TSPAN11: variants seen among roughly 807,000 people sequenced by gnomAD.
The protein encoded by TSPAN11 is tetraspanin 11.
In TSPAN11, 29 loss-of-function variants were observed where a neutral mutation model predicts 32.9. That is an observed-to-expected ratio of 0.88 (90% CI 0.66 to 1.20). TSPAN11 has a LOEUF of 1.20. Among genes scored for constraint, TSPAN11 ranks in the 50% most tolerant of loss-of-function variants. The pLI is 0.00. For missense variants in TSPAN11, 283 were observed against 329.1 expected, an observed-to-expected ratio of 0.86 and a Z score of 1.08; for synonymous variants, 140 against 141.3, an observed-to-expected ratio of 0.99 and a Z score of 0.07.
At chr12:30,958,388 A>C in intron 2 of TSPAN11, among the ~76,000 whole-genome samples, 1 of 152,194 alleles carries the variant, frequency 6.6e-6, no homozygotes, top group East Asian at 1.9e-4. Context: ...GGAGAAATGC[A>C]TGCCTGGCAC....
intron 1 of TSPAN11, among the ~76,000 whole-genome samples, chr12:30,932,933 C>G (rs1937963453): frequency 6.6e-6 from 1 of 152,224 alleles, no homozygotes; most frequent in Admixed American, 6.5e-5. Context: ...GGGAATGACG[C>G]TGCCTTTCTG....
chr12:30,987,391 G>T (rs1939220930), intron 7 of TSPAN11, among the ~76,000 whole-genome samples: 1 of 152,152 alleles, frequency 6.6e-6, no homozygotes. Flanking sequence ...GGTGGATCAT[G>T]AACTTAAGAG....
intron 3 of TSPAN11, among the ~76,000 whole-genome samples, chr12:30,965,750 G>T (rs143875223): frequency 3.2e-4 from 48 of 152,330 alleles, no homozygotes; most frequent in African/African-American, 1.2e-3. Flanking sequence ...CTCTGTGTAT[G>T]GACGGGGAAG....
At chr12:30,960,037 A>G (rs1430960001) in intron 2 of TSPAN11, among the ~76,000 whole-genome samples, 1 of 145,732 alleles carries the variant, frequency 6.9e-6, no homozygotes, top group African/African-American at 2.6e-5. Context: ...TGGCGGGGAG[A>G]TGGAGACAGG....
intron 5 of TSPAN11, among the ~76,000 whole-genome samples, chr12:30,981,562 C>T (rs1939093273): frequency 1.3e-5 from 2 of 151,432 alleles, no homozygotes; most frequent in South Asian, 2.1e-4. Flanking sequence ...CCAGTCCCTG[C>T]TCTGTGTGCT....
chr12:30,986,948 G>A (rs1939212049), intron 7 of TSPAN11: 1 of 152,212 alleles, frequency 6.6e-6, no homozygotes, highest in Admixed American at 6.5e-5. Context: ...TGATCTCAAC[G>A]AAGACCCAGG....
At chr12:30,972,564 C>T (rs771198951) in intron 3 of TSPAN11, among the ~76,000 whole-genome samples, 3 of 152,136 alleles carry the variant, frequency 2.0e-5, no homozygotes, top group Non-Finnish European at 2.9e-5. Flanking sequence ...CTGGAGGCTT[C>T]GTTGTGCACG....
intron 7 of TSPAN11, among the ~76,000 whole-genome samples, chr12:30,990,499 G>A (rs1055455717): frequency 1.3e-5 from 2 of 152,342 alleles, no homozygotes; most frequent in Admixed American, 1.3e-4. Flanking sequence ...AAGCTAGCGG[G>A]AGATGAGATA....
the TSPAN11 span, among the ~76,000 whole-genome samples, chr12:31,011,183 C>T: frequency 6.6e-6 from 1 of 152,138 alleles, no homozygotes; most frequent in African/African-American, 2.4e-5. Context: ...CACCTGAGGT[C>T]AGGAGTTTGA....
At chr12:30,953,710 A>T (rs1938427127) in intron 1 of TSPAN11, among the ~76,000 whole-genome samples, 1 of 152,240 alleles carries the variant, frequency 6.6e-6, no homozygotes, top group South Asian at 2.1e-4. Flanking sequence ...AGACCAGCGC[A>T]AATTCTGTGG....
intron 1 of TSPAN11, among the ~76,000 whole-genome samples, chr12:30,928,300 C>T (rs1937844701): frequency 6.6e-6 from 1 of 152,048 alleles, no homozygotes; most frequent in Non-Finnish European, 1.5e-5. Context: ...CTTTTTATGC[C>T]GCCAAATGAA....
At chr12:30,931,109 T>G (rs11051165) in intron 1 of TSPAN11, among the ~76,000 whole-genome samples, 6 of 152,024 alleles carry the variant, frequency 3.9e-5, no homozygotes, top group Non-Finnish European at 8.8e-5. Context: ...AACCCCCCAG[T>G]GGTTCTCAGC....
At chr12:31,016,452 G>GAAAGA in the TSPAN11 span, among the ~76,000 whole-genome samples, 4 of 151,738 alleles carry the variant, frequency 2.6e-5, no homozygotes, top group Admixed American at 2.6e-4. Context: ...AAAGCTGGTA[G>GAAAGA]AAAGAAAAGA....
chr12:30,958,287 G>T (rs1938540469), intron 2 of TSPAN11, among the ~76,000 whole-genome samples: 1 of 152,150 alleles, frequency 6.6e-6, no homozygotes, highest in Non-Finnish European at 1.5e-5. Context: ...CAAAAACAAG[G>T]ATGCCTCAAA....
chr12:31,006,770 ACTC>A, the TSPAN11 span, among the ~76,000 whole-genome samples: 1 of 151,702 alleles, frequency 6.6e-6, no homozygotes, highest in Non-Finnish European at 1.5e-5. Context: ...CGCACTTCAG[ACTC>A]CTCATTTATT....
intron 3 of TSPAN11, among the ~76,000 whole-genome samples, chr12:30,972,969 C>G (rs1023479984): frequency 1.1e-4 from 17 of 152,002 alleles, no homozygotes; most frequent in Admixed American, 1.1e-3. Flanking sequence ...CTACTCATTC[C>G]TCACCTCTCC....
At chr12:30,928,099 T>G (rs1356218883) in intron 1 of TSPAN11, among the ~76,000 whole-genome samples, 5 of 152,134 alleles carry the variant, frequency 3.3e-5, no homozygotes. Context: ...AGCAGGAATT[T>G]TATACCCACC....
chr12:30,986,799 T>G (rs1311441384), intron 7 of TSPAN11: 2 of 152,234 alleles, frequency 1.3e-5, no homozygotes, highest in African/African-American at 4.8e-5. Flanking sequence ...GACCAGGCAC[T>G]TGTATGCTCA....
At chr12:30,991,747 C>A in intron 7 of TSPAN11, 109 bp from the exon 8 acceptor site, 4 of 1,200,588 alleles carry the variant, frequency 3.3e-6, no homozygotes, top group Non-Finnish European at 4.9e-6. Context: ...CTGCCCTTTG[C>A]CCAGGCCCCA....
Sources: gnomAD v4.1 joint callset for allele counts (sites outside exome capture counted in the v4.1 genomes callset) on GRCh38, gnomAD v4.1.1 for gene constraint, MANE v1.5 for transcripts, NCBI Gene and HGNC (gene_info 2026-07-23, HGNC 2026-07-21) for gene names.